Variants in RAMAC observed in about 807,000 individuals in gnomAD.
RAMAC encodes RNA guanine-N7 methyltransferase activating subunit.
A neutral mutation model predicts 17.9 loss-of-function variants in RAMAC; 11 were observed. That is an observed-to-expected ratio of 0.61 (90% CI 0.39 to 1.02). The LOEUF is 1.02. Among genes scored for constraint, RAMAC ranks in the 50% least tolerant of loss-of-function variants. RAMAC has a pLI of 0.01. For synonymous variants in RAMAC, 27 were observed against 48.4 expected (o/e 0.56, Z 1.84); for missense variants, 109 against 144.0 (o/e 0.76, Z 1.25).
intron 1 of RAMAC, among the ~76,000 whole-genome samples, chr15:82,987,025 C>T (rs915095010): frequency 6.6e-6 from 1 of 152,214 alleles, no homozygotes; most frequent in South Asian, 2.1e-4. Context: ...TCAAGCGATT[C>T]TCCTGCCTCA....
intron 2 of RAMAC, 106 bp from the exon 3 acceptor site, chr15:82,988,904 C>T: frequency 1.0e-6 from 1 of 974,660 alleles, no homozygotes; most frequent in South Asian, 1.7e-5. Context: ...CAAAGACTTC[C>T]ATGAATACCC....
rs754187287 is a variant in RAMAC, at chr15:82,990,011, C to T, written c.301C>T (p.Pro101Ser). Residue 101 changes from proline (P) to serine (S), a missense_variant, in exon 4 of 4, where the codon CCC (proline) becomes TCC (serine). Transcript: ENST00000304191. ...GCAACACAGACAAGAACCTTACTATCCCCAGCAATATGGACATTATGGTTA... is the reference window on the plus strand; with the variant it reads ...GCAACACAGACAAGAACCTTACTATTCCCAGCAATATGGACATTATGGTTA... ...YPQHRQEPYY[P>S]QQYGHYGYNQ... 3 of 1,579,724 alleles carry T rather than the reference C, an allele frequency of 1.9e-6. No homozygotes were observed. The highest frequency in any genetic ancestry group is 4.5e-5 in the East Asian group (2 of 44,270).
chr15:82,988,719 A>G lies in RAMAC; in HGVS notation c.-9-291A>G, dbSNP rs992760685. On this transcript the variant is annotated intron_variant, in intron 2 of 3. Transcript: ENST00000304191. ...GTGGGTGGCATGCACCTGTAGTTCC[A>G]GCAACTTGGGAGGCTGAGGTGGGAG... The G allele has an allele frequency of 1.4e-4, 64 of 458,402 alleles. No individual in the cohort carries two copies. In the Admixed American group the frequency reaches 1.6e-3, roughly 12 times the overall value. 28.4% of individuals were successfully genotyped at this position (458,402 alleles called of 1,614,324 possible).
chr15:82,989,277 C>T (rs897897922), intron 3 of RAMAC, 89 bp downstream of exon 3: 10 of 1,402,616 alleles, frequency 7.1e-6, no homozygotes, highest in Non-Finnish European at 9.6e-6. Flanking sequence ...AGGGCAGGGA[C>T]CAGTGTTTTT....
chr15:82,990,690 G>T lies in RAMAC; in HGVS notation c.*623G>T. 1 of 1,497,582 alleles carries T rather than the reference G, an allele frequency of 6.7e-7. No homozygotes were observed. The highest frequency in any genetic ancestry group is 1.2e-5 in the South Asian group (1 of 82,838). The allele number at this position is 1,497,582 out of a possible 1,614,324, so 92.8% of individuals were successfully genotyped here. A position where few individuals can be genotyped will look rare whatever the true frequency, so the allele number is the denominator to read the frequency against. On this transcript the variant is annotated 3_prime_UTR_variant, in exon 4 of 4. Coordinates refer to ENST00000304191, the MANE Select transcript of RAMAC (RefSeq NM_031452.4). ...AAGGAAGGAATCATTGTCAGTTTGT[G>T]TCTTGATCTGGTGGTGGTTGGGATA... is the stretch of plus-strand genomic sequence containing the variant.
Position 82,990,200 on chromosome 15 carries a change from T to C in RAMAC, c.*133T>C. 2 of 374,338 alleles carry C rather than the reference T, an allele frequency of 5.3e-6. No individual in the cohort carries two copies. Among genetic ancestry groups the C allele is most frequent in the Non-Finnish European group, 8.6e-6 (2 of 232,130 alleles). The allele number at this position is 374,338 out of a possible 1,614,324, so 23.2% of individuals were successfully genotyped here. ...ATTGATTTTTTGGAAGTTGAGACTT[T>C]AAAAAAAATAGATCTTACTTGCGAA... On this transcript the variant is annotated 3_prime_UTR_variant, in exon 4 of 4. Coordinates refer to ENST00000304191, the MANE Select transcript of RAMAC (RefSeq NM_031452.4).
chr15:82,989,014 T>A lies in RAMAC; in HGVS notation c.-5T>A, dbSNP rs1475069167. Reference sequence around the variant, plus strand: ...AATGTCTTTAAAATTGTACAGATTTTCAGAATGACTGACACTGCCGAAGCT... The same window carrying A: ...AATGTCTTTAAAATTGTACAGATTTACAGAATGACTGACACTGCCGAAGCT... On this transcript the variant is annotated 5_prime_UTR_variant, in exon 3 of 4. Transcript: ENST00000304191. 1 of 1,597,830 alleles carries A rather than the reference T, an allele frequency of 6.3e-7. No homozygotes were observed. Among genetic ancestry groups the A allele is most frequent in the East Asian group, 2.2e-5 (1 of 44,610 alleles).
At chr15:82,988,965 A>C in intron 2 of RAMAC, 45 bp from the exon 3 acceptor site, 1 of 1,520,758 alleles carries the variant, frequency 6.6e-7, no homozygotes, top group East Asian at 2.3e-5. Flanking sequence ...AGAGAGTGTT[A>C]ATTTTTAAAT....
Position 82,989,054 on chromosome 15 carries a change from A to G in RAMAC, c.36A>G (p.Glu12=). The change falls in exon 3 of 4, where the codon GAA becomes GAG. Residue 12 remains glutamate, a synonymous_variant. Coordinates refer to ENST00000304191, the MANE Select transcript of RAMAC (RefSeq NM_031452.4). ...CTGCCGAAGCTGTTCCAAAGTTTGA[A>G]GAGATGTTTGCTAGTAGATTCACAG... ...TDTAEAVPKF[E]EMFASRFTEN... 1 of 1,613,660 alleles carries G rather than the reference A, an allele frequency of 6.2e-7. No homozygotes were observed. Among genetic ancestry groups the G allele is most frequent in the Non-Finnish European group, 8.5e-7 (1 of 1,179,754 alleles).
In RAMAC at chr15:82,990,632, T is replaced by C. The variant is rs988661932; in HGVS notation, c.*565T>C. The C allele has an allele frequency of 2.2e-5, 33 of 1,523,968 alleles. No individual in the cohort carries two copies. The highest frequency in any genetic ancestry group is 2.6e-5 in the Non-Finnish European group (29 of 1,122,664). 94.4% of individuals were successfully genotyped at this position (1,523,968 alleles called of 1,614,324 possible). A position where few individuals can be genotyped will look rare whatever the true frequency, so the allele number is the denominator to read the frequency against. The stretch of plus-strand genomic sequence containing the variant: ...AGTCAGCTCCACACTTGAGTCTCTT[T>C]TTAGAGGGAAATCAGTAATAAAGCT... On this transcript the variant is annotated 3_prime_UTR_variant, in exon 4 of 4. Coordinates refer to ENST00000304191, the MANE Select transcript of RAMAC (RefSeq NM_031452.4).
intron 2 of RAMAC, 117 bp from the exon 3 acceptor site, chr15:82,988,893 A>C: frequency 2.2e-6 from 2 of 896,412 alleles, no homozygotes; most frequent in Non-Finnish European, 3.4e-6. Context: ...CTGAAAGCAC[A>C]CAAAGACTTC....
chr15:82,989,090 G>A lies in RAMAC; in HGVS notation c.72G>A (p.Lys24=). The A allele has an allele frequency of 6.2e-7, 1 of 1,613,714 alleles. No individual in the cohort carries two copies. Among genetic ancestry groups the A allele is most frequent in the African/African-American group, 1.3e-5 (1 of 74,984 alleles). ...CTAGTAGATTCACAGAAAATGACAAGGAGTATCAGGAATACCTGAAACGCC... is the reference window on the plus strand; with the variant it reads ...CTAGTAGATTCACAGAAAATGACAAAGAGTATCAGGAATACCTGAAACGCC... ...MFASRFTEND[K]EYQEYLKRPP... is the part of the protein sequence containing the mutation. The change falls in exon 3 of 4, where the codon AAG becomes AAA. Residue 24 remains lysine (K), a synonymous_variant. Transcript: ENST00000304191.
intron 3 of RAMAC, among the ~76,000 whole-genome samples, chr15:82,989,390 C>G (rs922714374): frequency 1.2e-4 from 18 of 152,138 alleles, no homozygotes; most frequent in Non-Finnish European, 2.5e-4. Flanking sequence ...CCTTGCTGTT[C>G]AAGTGCGTGT....
At chr15:82,989,301 T>A in intron 3 of RAMAC, 113 bp downstream of exon 3, 12 of 911,342 alleles carry the variant, frequency 1.3e-5, no homozygotes, top group Non-Finnish European at 1.9e-5. Context: ...ATGGCATACC[T>A]AGTACCTAAT....
Position 82,989,193 on chromosome 15 carries a change from G to A in RAMAC, c.170+5G>A. The A allele has an allele frequency of 6.2e-7, 1 of 1,610,424 alleles. No individual in the cohort carries two copies. Among genetic ancestry groups the A allele is most frequent in the South Asian group, 1.1e-5 (1 of 90,192 alleles). On this transcript the variant is annotated splice_donor_5th_base_variant and intron_variant, in intron 3 of 3. Transcript: ENST00000304191. ...CCAAAGAAACAGAGGCAATCGGTGT[G>A]TATTCAAAAGAATAAATGCAGATAG...
intron 2 of RAMAC, among the ~76,000 whole-genome samples, chr15:82,987,829 C>G (rs1348759953): frequency 1.3e-5 from 2 of 150,696 alleles, no homozygotes; most frequent in Non-Finnish European, 3.0e-5. Flanking sequence ...CACCTGAGGT[C>G]AGGAGTTCAA....
In RAMAC at chr15:82,989,967, C is replaced by T. The variant is rs367747091; in HGVS notation, c.257C>T (p.Ser86Phe). The change falls in exon 4 of 4, where the codon TCC becomes TTC. Residue 86 changes from serine (S) to phenylalanine (F), a missense_variant. Transcript: ENST00000304191. ...CGATCCAATCAGTGGCATGGACGAT[C>T]CTGGGGTAACAACTACCCGCAACAC... ...DNRSNQWHGR[S>F]WGNNYPQHRQ... The T allele has an allele frequency of 1.0e-4, 165 of 1,609,048 alleles. No individual in the cohort carries two copies. The highest frequency in any genetic ancestry group is 1.3e-4 in the Non-Finnish European group (151 of 1,177,428).
chr15:82,988,672 A>C, intron 2 of RAMAC: 1 of 445,932 alleles, frequency 2.2e-6, no homozygotes, highest in South Asian at 1.6e-5. Context: ...GTCTCTTCAA[A>C]AAATACGAAA....
chr15:82,987,869 G>A (rs1334815953), intron 2 of RAMAC, among the ~76,000 whole-genome samples: 1 of 151,320 alleles, frequency 6.6e-6, no homozygotes, highest in African/African-American at 2.4e-5. Flanking sequence ...ATGAAACCCT[G>A]TCTCTACTAA....
Sources: gnomAD v4.1 joint callset for allele counts (sites outside exome capture counted in the v4.1 genomes callset) on GRCh38, gnomAD v4.1.1 for gene constraint, MANE v1.5 for transcripts, NCBI Gene and HGNC (gene_info 2026-07-23, HGNC 2026-07-21) for gene names.